INTS6: variants seen among roughly 807,000 people sequenced by gnomAD.
INTS6 encodes the protein integrator complex subunit 6, also known as DEAD box protein.
Under a neutral mutation model 104.9 loss-of-function variants are expected in INTS6, and 16 were observed. That is an observed-to-expected ratio of 0.15 (90% CI 0.10 to 0.23). The LOEUF (loss-of-function observed/expected upper bound fraction) is 0.23, where lower values mean the gene tolerates loss of function less well. Ranked by LOEUF, INTS6 falls within the 10% of genes least tolerant of loss-of-function variation. INTS6 has a pLI of 1.00. For synonymous variants in INTS6, 324 were observed against 358.7 expected (o/e 0.90, Z 1.09); for missense variants, 584 against 1,062.8 (o/e 0.55, Z 6.26).
intron 4 of INTS6, chr13:51,421,138 G>A (rs1956889101): frequency 3.0e-6 from 3 of 985,728 alleles, no homozygotes; most frequent in Non-Finnish European, 3.6e-6. Flanking sequence ...GAGGCCTTCC[G>A]AGATGACTAG....
chr13:51,404,215 AGT>A (rs546406809), intron 4 of INTS6, among the ~76,000 whole-genome samples: 98 of 151,206 alleles, frequency 6.5e-4, no homozygotes, highest in Non-Finnish European at 1.2e-3. Context: ...TTGAGATTGC[AGT>A]GAGTCATGAT....
intron 3 of INTS6, among the ~76,000 whole-genome samples, chr13:51,355,671 T>C (rs892426986): frequency 3.3e-5 from 5 of 152,210 alleles, no homozygotes; most frequent in Non-Finnish European, 4.4e-5. Context: ...ACCAACCACA[T>C]TGAATTTCTT....
rs899938763 is a variant in INTS6, at chr13:51,374,272, T to C, written c.2040A>G (p.Lys680=). The C allele has an allele frequency of 3.1e-6, 5 of 1,613,786 alleles. No homozygotes were observed. Among genetic ancestry groups the C allele is most frequent in the Non-Finnish European group, 4.2e-6 (5 of 1,179,700 alleles). ...NPVVNNHIGG[K]GPPAPTTQAQ... is the part of the protein sequence containing the mutation. ...CTTGAGTTGTAGGTGCAGGTGGTCC[T>C]TTTCCCCCAATATGATTGTTTACAA... Residue 680 remains lysine (K), a synonymous_variant, in exon 15 of 18, where the codon AAA becomes AAG. Transcript: ENST00000311234.
chr13:51,359,843 A>G (rs1045881023), downstream of INTS6, among the ~76,000 whole-genome samples: 7 of 152,062 alleles, frequency 4.6e-5, no homozygotes, highest in African/African-American at 1.7e-4. Context: ...AGCTAGTAAG[A>G]GGGGCTAATT....
downstream of INTS6, among the ~76,000 whole-genome samples, chr13:51,349,457 G>A (rs1205237339): frequency 2.0e-5 from 3 of 152,142 alleles, no homozygotes; most frequent in Non-Finnish European, 4.4e-5. Flanking sequence ...GATCTCTCAG[G>A]GAGGGAGCAG....
intron 4 of INTS6, among the ~76,000 whole-genome samples, chr13:51,419,630 A>G (rs758144759): frequency 2.0e-5 from 3 of 152,174 alleles, no homozygotes; most frequent in Non-Finnish European, 4.4e-5. Context: ...ATAATTTTAC[A>G]TCTTACACTA....
intron 4 of INTS6, among the ~76,000 whole-genome samples, chr13:51,399,423 T>C (rs1956395505): frequency 2.0e-5 from 3 of 152,160 alleles, no homozygotes; most frequent in Non-Finnish European, 4.4e-5. Flanking sequence ...GGCCTCAAAC[T>C]CCGTAATTAT....
At position 51,430,103 on chromosome 13, in the gene INTS6, C is replaced by A. The variant is rs1957064333; in HGVS notation, c.429+191G>T. 6 of 485,044 alleles carry A rather than the reference C, an allele frequency of 1.2e-5. No individual in the cohort carries two copies. In the South Asian group the frequency reaches 2.3e-4, roughly 18 times the overall value. 30.0% of individuals were successfully genotyped at this position (485,044 alleles called of 1,614,324 possible). A position where few individuals can be genotyped will look rare whatever the true frequency, so the allele number is the denominator to read the frequency against. On this transcript the variant is annotated intron_variant, in intron 4 of 17. Transcript: ENST00000311234. ...GAGGTGTGGGTATGCTCAAACATTT[C>A]TCACAGAAGAGATTCTTATTCAAGA...
the INTS6 span, chr13:51,346,996 C>G: frequency 6.6e-7 from 1 of 1,522,168 alleles, no homozygotes. Flanking sequence ...CACATTTAAC[C>G]CATGGCCACC....
At chr13:51,369,688 CAT>C in intron 15 of INTS6, among the ~76,000 whole-genome samples, 1 of 152,318 alleles carries the variant, frequency 6.6e-6, no homozygotes. Flanking sequence ...CTAACTCACA[CAT>C]ATGCCTTATA....
chr13:51,357,639 C>T (rs1269734012), downstream of INTS6, among the ~76,000 whole-genome samples: 1 of 152,038 alleles, frequency 6.6e-6, no homozygotes, highest in Non-Finnish European at 1.5e-5. Flanking sequence ...AATATTATCT[C>T]AAGGCCCAGC....
chr13:51,409,806 G>T (rs1956649569), intron 4 of INTS6, among the ~76,000 whole-genome samples: 1 of 152,050 alleles, frequency 6.6e-6, no homozygotes, highest in African/African-American at 2.4e-5. Flanking sequence ...AGACAGATTT[G>T]GAAAGGAAGA....
chr13:51,361,831 C>G lies in INTS6; in HGVS notation c.*3921G>C. ...GCAGCTCTGTTGTTATTGAAAAGGT[C>G]TCGGATTCCTATTTTTAAAGCAGAT... On this transcript the variant is annotated 3_prime_UTR_variant, in exon 18 of 18. Coordinates refer to ENST00000311234, the MANE Select transcript of INTS6 (RefSeq NM_012141.3). The G allele has an allele frequency of 6.2e-7, 1 of 1,610,030 alleles. No homozygotes were observed. The highest frequency in any genetic ancestry group is 1.3e-5 in the African/African-American group (1 of 74,746).
At chr13:51,358,635 A>G (rs114735300), downstream of INTS6, among the ~76,000 whole-genome samples, 932 of 152,234 alleles carry the variant, frequency 6.1e-3, 9 homozygotes, top group African/African-American at 0.021. Context: ...AAACACATTA[A>G]TGTACCAAGT....
rs1433336480 is a variant in INTS6, at chr13:51,434,861, C to CA, written c.340-4479dup. ...CAGTATTGTTTTTTGTCATGTTTTA[C>CA]AAAAAAATAAAGTTTTAACACCTCC... On this transcript the variant is annotated intron_variant, in intron 3 of 17. Transcript: ENST00000311234. Among the ~76,000 whole-genome samples the CA allele has an allele frequency of 1.5e-4, 23 of 151,918 alleles. No individual in the cohort carries two copies. In the East Asian group the frequency reaches 3.7e-3, roughly 24 times the overall value.
At chr13:51,386,810 T>C (rs1956147488) in intron 7 of INTS6, among the ~76,000 whole-genome samples, 2 of 152,128 alleles carry the variant, frequency 1.3e-5, no homozygotes, top group South Asian at 4.1e-4. Context: ...TAAATGGATA[T>C]TAATTTGTAT....
chr13:51,428,977 C>T (rs1187100875), intron 4 of INTS6, among the ~76,000 whole-genome samples: 3 of 152,148 alleles, frequency 2.0e-5, no homozygotes, highest in Non-Finnish European at 2.9e-5. Context: ...CTATATACTT[C>T]TCTTTACAGC....
intron 3 of INTS6, among the ~76,000 whole-genome samples, chr13:51,433,248 A>T (rs1395126838): frequency 2.0e-5 from 3 of 152,162 alleles, no homozygotes; most frequent in Non-Finnish European, 2.9e-5. Context: ...CTGCGAGACC[A>T]GTCTAGGAAA....
chr13:51,440,939 G>C (rs929564966), intron 3 of INTS6: 2 of 152,154 alleles, frequency 1.3e-5, no homozygotes, highest in East Asian at 3.9e-4. Context: ...AAAGGTTTCA[G>C]ACTAAAAAGC....
Sources: gnomAD v4.1 joint callset for allele counts (sites outside exome capture counted in the v4.1 genomes callset) on GRCh38, gnomAD v4.1.1 for gene constraint, MANE v1.5 for transcripts, NCBI Gene and HGNC (gene_info 2026-07-23, HGNC 2026-07-21) for gene names.